Variants in EDA observed in about 807,000 individuals in gnomAD.
The protein encoded by EDA is ectodysplasin A.
Under a neutral mutation model 23.6 loss-of-function variants are expected in EDA, and 2 were observed. The ratio of observed to expected loss-of-function variants is 0.08; its 90% confidence interval spans 0.03 to 0.27. The LOEUF (loss-of-function observed/expected upper bound fraction) is 0.27, where lower values mean the gene tolerates loss of function less well. Among genes scored for constraint, EDA ranks in the 10% least tolerant of loss-of-function variants. The pLI, the probability that EDA is intolerant of heterozygous loss-of-function variation, is 1.00. For missense variants in EDA, 229 were observed against 324.2 expected, an observed-to-expected ratio of 0.71 and a Z score of 2.26; for synonymous variants, 131 against 132.0, an observed-to-expected ratio of 0.99 and a Z score of 0.05.
chrX:69,716,213 A>C (rs1414917064), intron 1 of EDA, among the ~76,000 whole-genome samples: 1 of 111,870 alleles, frequency 8.9e-6, no homozygotes, highest in Non-Finnish European at 1.9e-5. Context: ...TTTACATTTC[A>C]GTCTTTACTC....
At chrX:69,744,964 T>A (rs1299468773) in intron 1 of EDA, among the ~76,000 whole-genome samples, 1 of 111,704 alleles carries the variant, frequency 9.0e-6, no homozygotes, top group Non-Finnish European at 1.9e-5. Flanking sequence ...CACGTCCAGG[T>A]AGCATCATAT....
intron 1 of EDA, among the ~76,000 whole-genome samples, chrX:69,708,951 G>T (rs776566488): frequency 9.0e-6 from 1 of 111,179 alleles, no homozygotes; most frequent in East Asian, 2.8e-4. Context: ...ATTGGGAGAA[G>T]AACCAACTGG....
chrX:69,988,423 A>T (rs1353281629), intron 2 of EDA, among the ~76,000 whole-genome samples: 1 of 112,495 alleles, frequency 8.9e-6, no homozygotes, highest in African/African-American at 3.2e-5. Context: ...AACACAAAGG[A>T]TAAATGCCTG....
intron 2 of EDA, among the ~76,000 whole-genome samples, chrX:69,983,080 C>A (rs1347791835): frequency 2.1e-5 from 1 of 48,137 alleles, no homozygotes; most frequent in African/African-American, 1.0e-4. Flanking sequence ...GGATTGCAAC[C>A]CCTGCCTTTT....
intron 1 of EDA, among the ~76,000 whole-genome samples, chrX:69,792,931 C>T (rs186981764): frequency 8.9e-6 from 1 of 112,109 alleles, no homozygotes; most frequent in African/African-American, 3.2e-5. Context: ...TCCTGCTCTG[C>T]TGATTATTTC....
chrX:69,973,552 T>G (rs2147441825), intron 2 of EDA, among the ~76,000 whole-genome samples: 1 of 111,620 alleles, frequency 9.0e-6, no homozygotes, highest in African/African-American at 3.2e-5. Context: ...TGATCCATAT[T>G]GGAACTCCCT....
At chrX:69,871,938 C>G (rs1047164881) in intron 1 of EDA, among the ~76,000 whole-genome samples, 2 of 111,732 alleles carry the variant, frequency 1.8e-5, no homozygotes, top group African/African-American at 3.3e-5. Flanking sequence ...CACCTAGGTA[C>G]ATAGTCATCA....
At chrX:69,687,263 G>T (rs1293350709) in intron 1 of EDA, among the ~76,000 whole-genome samples, 65 of 96,842 alleles carry the variant, frequency 6.7e-4, no homozygotes, top group African/African-American at 2.3e-3. Context: ...CAATTGAGTA[G>T]TTTTTTTTTT....
In EDA at chrX:70,009,618, G is replaced by T. The variant is rs191640910; in HGVS notation, c.503-13600G>T. Among the ~76,000 whole-genome samples the T allele has an allele frequency of 3.6e-5, 4 of 111,374 alleles. No homozygotes were observed. The East Asian group carries it at 1.1e-3, about 31-fold the overall frequency. ...TTGTTTTGTTTTGATGCGGAGTCTC[G>T]CTCTGTCTCCCAGGCTGGAATGTAG... is the stretch of plus-strand genomic sequence containing the variant. On this transcript the variant is annotated intron_variant, in intron 2 of 7. Transcript: ENST00000374552.
At chrX:70,020,306 C>T (rs1361582909) in intron 2 of EDA, among the ~76,000 whole-genome samples, 1 of 111,587 alleles carries the variant, frequency 9.0e-6, no homozygotes, top group Non-Finnish European at 1.9e-5. Flanking sequence ...GCCTGTAATC[C>T]CAGCACTTTG....
At chrX:69,688,601 A>C (rs1353449434) in intron 1 of EDA, among the ~76,000 whole-genome samples, 1 of 110,844 alleles carries the variant, frequency 9.0e-6, no homozygotes, top group Non-Finnish European at 1.9e-5. Flanking sequence ...GGGTTTTGCT[A>C]TGTTGGCCAG....
intron 1 of EDA, among the ~76,000 whole-genome samples, chrX:69,644,833 A>T (rs558040333): frequency 9.0e-6 from 1 of 111,594 alleles, no homozygotes. Flanking sequence ...AGGGATGTTG[A>T]ATTTTATTGA....
chrX:69,706,048 C>A (rs1217203324), intron 1 of EDA, among the ~76,000 whole-genome samples: 1 of 112,136 alleles, frequency 8.9e-6, no homozygotes, highest in African/African-American at 3.2e-5. Flanking sequence ...AAGAGTCCTG[C>A]CTTTCTTCCG....
chrX:69,727,148 C>T (rs2490728), intron 1 of EDA, among the ~76,000 whole-genome samples: 6,249 of 111,077 alleles, frequency 0.056, 171 homozygotes, highest in Middle Eastern at 0.15. Context: ...CCCCAGAGTT[C>T]GGCTGTCCGC....
chrX:69,758,720 CA>C (rs1475951658), intron 1 of EDA, among the ~76,000 whole-genome samples: 2 of 112,015 alleles, frequency 1.8e-5, no homozygotes, highest in Non-Finnish European at 3.8e-5. Context: ...CCTGTAGTTC[CA>C]GCTACTCAGG....
intron 1 of EDA, among the ~76,000 whole-genome samples, chrX:69,888,916 T>C (rs2017870316): frequency 1.1e-5 from 1 of 88,785 alleles, no homozygotes; most frequent in Admixed American, 1.3e-4. Flanking sequence ...TTCAAGTTCT[T>C]GCTTTCCATT....
intron 1 of EDA, among the ~76,000 whole-genome samples, chrX:69,868,820 C>T (rs1272017221): frequency 8.9e-6 from 1 of 112,322 alleles, no homozygotes; most frequent in Non-Finnish European, 1.9e-5. Flanking sequence ...TACCAGGTAC[C>T]GGTAGATGTG....
At chrX:69,870,577 C>T (rs1268766739) in intron 1 of EDA, among the ~76,000 whole-genome samples, 1 of 110,889 alleles carries the variant, frequency 9.0e-6, no homozygotes, top group Non-Finnish European at 1.9e-5. Context: ...CTGATGGCAG[C>T]ATAGGTCAGG....
At chrX:69,707,636 C>T (rs1380451507) in intron 1 of EDA, among the ~76,000 whole-genome samples, 5 of 111,745 alleles carry the variant, frequency 4.5e-5, no homozygotes, top group African/African-American at 1.6e-4. Context: ...ACTGTGCCCA[C>T]TGTAACTCTA....
Sources: gnomAD v4.1 joint callset for allele counts (sites outside exome capture counted in the v4.1 genomes callset) on GRCh38, gnomAD v4.1.1 for gene constraint, MANE v1.5 for transcripts, NCBI Gene and HGNC (gene_info 2026-07-23, HGNC 2026-07-21) for gene names.